The following TEAD1 variants were observed in gnomAD, a reference collection of about 807,000 sequenced individuals.
The protein encoded by TEAD1 is TEA domain transcription factor 1, also known as transcriptional enhancer factor TEF-1.
TEAD1 carries 9 observed loss-of-function variants against 54.9 expected under a neutral mutation model. The ratio of observed to expected loss-of-function variants is 0.16; its 90% CI spans 0.10 to 0.29. The LOEUF (loss-of-function observed/expected upper bound fraction) is 0.29. Ranked by LOEUF, TEAD1 falls within the 10% of genes least tolerant of loss-of-function variation. The probability of loss-of-function intolerance (pLI) is 1.00; values close to 1 mark genes in which losing one functional copy is unlikely to be tolerated. For synonymous variants in TEAD1, 200 were observed against 187.8 expected (o/e 1.07, Z -0.53); for missense variants, 387 against 535.9 (o/e 0.72, Z 2.74).
intron 2 of TEAD1, among the ~76,000 whole-genome samples, chr11:12,683,010 A>T (rs183666067): frequency 6.6e-6 from 1 of 152,290 alleles, no homozygotes; most frequent in East Asian, 1.9e-4. Flanking sequence ...GCGGAGAGGA[A>T]AAAAATCCCA....
chr11:12,765,528 T>G (rs1379922880), intron 3 of TEAD1, among the ~76,000 whole-genome samples: 1 of 152,160 alleles, frequency 6.6e-6, no homozygotes, highest in African/African-American at 2.4e-5. Flanking sequence ...CCTTTAATAC[T>G]GCACTTCCTC....
chr11:12,821,426 A>G lies in TEAD1; in HGVS notation c.203-40824A>G, dbSNP rs937151662. Among the ~76,000 whole-genome samples, 26 of 152,330 alleles carry G rather than the reference A, an allele frequency of 1.7e-4. 1 individual carries two copies. The highest frequency in any genetic ancestry group is 1.4e-3 in the Admixed American group (22 of 15,300). Reference sequence around the variant, plus strand: ...ATGATACAGGTGAAAGCATTTAGAAATGGAAAGCACTGTGGGGGAATATTT... The same window carrying G: ...ATGATACAGGTGAAAGCATTTAGAAGTGGAAAGCACTGTGGGGGAATATTT... On this transcript the variant is annotated intron_variant, in intron 3 of 12. Coordinates refer to ENST00000527636, the MANE Select transcript of TEAD1 (RefSeq NM_021961.6).
intron 3 of TEAD1, among the ~76,000 whole-genome samples, chr11:12,815,400 G>T (rs891434915): frequency 6.6e-6 from 1 of 151,744 alleles, no homozygotes; most frequent in Non-Finnish European, 1.5e-5. Context: ...TATTTTATTC[G>T]TACTTGATTG....
chr11:12,750,748 C>G (rs568444000), intron 2 of TEAD1, among the ~76,000 whole-genome samples: 6 of 152,162 alleles, frequency 3.9e-5, no homozygotes, highest in Non-Finnish European at 8.8e-5. Flanking sequence ...TCTCTCTTCC[C>G]CACATCTCCT....
chr11:12,820,245 G>A (rs1281797609), intron 3 of TEAD1, among the ~76,000 whole-genome samples: 1 of 152,064 alleles, frequency 6.6e-6, no homozygotes, highest in Non-Finnish European at 1.5e-5. Flanking sequence ...TTTTCAACCC[G>A]CTAGACACTG....
intron 12 of TEAD1, among the ~76,000 whole-genome samples, chr11:12,932,979 T>C (rs758425798): frequency 6.6e-6 from 1 of 152,178 alleles, no homozygotes; most frequent in Non-Finnish European, 1.5e-5. Flanking sequence ...CAGTAATCAG[T>C]ACAGTAACAT....
Position 12,942,591 on chromosome 11 carries a change from T to A in TEAD1, c.*5369T>A, listed in dbSNP as rs1236924046. ...AGATACTACAGCTTTCTCCTCCTCC[T>A]TGTGTTCGTGTTCAGTCTCTGTGGA... On this transcript the variant is annotated 3_prime_UTR_variant, in exon 13 of 13. Coordinates refer to ENST00000527636, the MANE Select transcript of TEAD1 (RefSeq NM_021961.6). The A allele has an allele frequency of 6.6e-6, 1 of 152,218 alleles. No individual in the cohort carries two copies. The highest frequency in any genetic ancestry group is 1.5e-5 in the Non-Finnish European group (1 of 68,042). The allele number at this position is 152,218 out of a possible 1,614,324, so 9.4% of individuals were successfully genotyped here. A position where few individuals can be genotyped will look rare whatever the true frequency, so the allele number is the denominator to read the frequency against.
At chr11:12,930,021 GT>G (rs575610991) in intron 11 of TEAD1, among the ~76,000 whole-genome samples, 152 bp from the exon 12 acceptor site, 2 of 151,596 alleles carry the variant, frequency 1.3e-5, no homozygotes, top group Non-Finnish European at 2.9e-5. Context: ...TTTGGAGATA[GT>G]TTTTTTTTAA....
chr11:12,750,139 C>CGT (rs1020230483), intron 2 of TEAD1, among the ~76,000 whole-genome samples: 2 of 152,150 alleles, frequency 1.3e-5, no homozygotes, highest in Non-Finnish European at 2.9e-5. Context: ...TGCATTAGCT[C>CGT]GTGTCGGCAT....
In TEAD1 at chr11:12,723,994, A is replaced by G. The variant is rs913679251; in HGVS notation, c.-54-40185A>G. Among the ~76,000 whole-genome samples, 2 of 152,190 alleles carry G rather than the reference A, an allele frequency of 1.3e-5. 1 individual carries two copies. Among genetic ancestry groups the G allele is most frequent in the Admixed American group, 1.3e-4 (2 of 15,278 alleles). On this transcript the variant is annotated intron_variant, in intron 2 of 12. Transcript: ENST00000527636. ...ACTCTTTTACTCTCCTATACATACCATGGCCACTGAACTGGTTTGTTTATT... is the reference window on the plus strand; with the variant it reads ...ACTCTTTTACTCTCCTATACATACCGTGGCCACTGAACTGGTTTGTTTATT...
chr11:12,871,813 C>A (rs1947751283), intron 5 of TEAD1, among the ~76,000 whole-genome samples: 1 of 152,042 alleles, frequency 6.6e-6, no homozygotes, highest in Non-Finnish European at 1.5e-5. Flanking sequence ...TTCGCCGTGC[C>A]CTCCGCTCGG....
intron 3 of TEAD1, among the ~76,000 whole-genome samples, chr11:12,765,950 A>G (rs943800685): frequency 2.6e-5 from 4 of 152,188 alleles, no homozygotes. Flanking sequence ...TCATACCTGA[A>G]AATGCAGCTC....
At chr11:12,879,248 G>T (rs1947917374) in intron 5 of TEAD1, among the ~76,000 whole-genome samples, 1 of 152,164 alleles carries the variant, frequency 6.6e-6, no homozygotes, top group Non-Finnish European at 1.5e-5. Flanking sequence ...TGACAGTCAG[G>T]ACACACAGAT....
chr11:12,763,016 C>T (rs910283927), intron 2 of TEAD1, among the ~76,000 whole-genome samples: 2 of 152,032 alleles, frequency 1.3e-5, no homozygotes, highest in Non-Finnish European at 2.9e-5. Context: ...TCTTTTCGAT[C>T]AATCCTTTCT....
At chr11:12,830,103 G>A (rs530820046) in intron 3 of TEAD1, among the ~76,000 whole-genome samples, 5 of 152,262 alleles carry the variant, frequency 3.3e-5, no homozygotes, top group African/African-American at 1.2e-4. Context: ...GAAAGCCCCC[G>A]AGCCATTGGG....
chr11:12,707,670 G>C (rs1943848908), intron 2 of TEAD1, among the ~76,000 whole-genome samples: 1 of 152,226 alleles, frequency 6.6e-6, no homozygotes, highest in Non-Finnish European at 1.5e-5. Flanking sequence ...AAACACTATA[G>C]TTGGCACATT....
rs1482047457 is a variant in TEAD1, at chr11:12,943,091, C to G, written c.*5869C>G. 1.3e-5 allele frequency: 2 copies of G among 152,236 alleles called. No individual in the cohort carries two copies. The highest frequency in any genetic ancestry group is 2.9e-5 in the Non-Finnish European group (2 of 68,042). 9.4% of individuals were successfully genotyped at this position (152,236 alleles called of 1,614,324 possible). On this transcript the variant is annotated 3_prime_UTR_variant, in exon 13 of 13. Transcript: ENST00000527636. ...CTCTTAATACATACGTTCTGTGTGTCTCTACCTGGCGTCTTTAAGAATATC... is the reference window on the plus strand; with the variant it reads ...CTCTTAATACATACGTTCTGTGTGTGTCTACCTGGCGTCTTTAAGAATATC...
At chr11:12,826,150 A>G (rs893068935) in intron 3 of TEAD1, among the ~76,000 whole-genome samples, 4 of 152,226 alleles carry the variant, frequency 2.6e-5, no homozygotes, top group African/African-American at 9.6e-5. Flanking sequence ...CAGCATGTCA[A>G]ATTACTTTTC....
intron 5 of TEAD1, among the ~76,000 whole-genome samples, chr11:12,867,775 C>T (rs1010984021): frequency 3.3e-5 from 5 of 152,100 alleles, no homozygotes; most frequent in Admixed American, 6.6e-5. Context: ...GAGATAAACT[C>T]GCTACAGATA....
Sources: gnomAD v4.1 joint callset for allele counts (sites outside exome capture counted in the v4.1 genomes callset) on GRCh38, gnomAD v4.1.1 for gene constraint, MANE v1.5 for transcripts, NCBI Gene and HGNC (gene_info 2026-07-23, HGNC 2026-07-21) for gene names.